The following DPM1 variants were observed in gnomAD, a reference collection of about 807,000 sequenced individuals.
The protein encoded by DPM1 is dolichol-phosphate mannosyltransferase subunit 1.
Under a neutral mutation model 39.0 loss-of-function variants are expected in DPM1, and 27 were observed. The ratio of observed to expected loss-of-function variants is 0.69; its 90% CI spans 0.51 to 0.95. DPM1 has a LOEUF of 0.95. Among genes scored for constraint, DPM1 ranks in the 40% least tolerant of loss-of-function variants. The probability of loss-of-function intolerance (pLI) is 0.00; values close to 1 mark genes in which losing one functional copy is unlikely to be tolerated. For missense variants in DPM1, 307 were observed against 315.6 expected (o/e 0.97, Z 0.21); for synonymous variants, 124 against 109.0 (o/e 1.14, Z -0.86).
In DPM1 at chr20:50,956,807, A is replaced by G. The variant is rs541146184; in HGVS notation, c.162-1522T>C. 8.1e-4 allele frequency among the ~76,000 whole-genome samples: 123 copies of G among 152,342 alleles called. 1 individual carries two copies. The highest frequency in any genetic ancestry group is 2.9e-3 in the African/African-American group (119 of 41,580). On this transcript the variant is annotated intron_variant, in intron 1 of 8. Transcript: ENST00000371588. ...ATTCCATAAACAAAATGGGGTCGTT[A>G]AAAGCAAATTACTGTCCCCTACCAC... is the stretch of plus-strand genomic sequence containing the variant.
At chr20:50,943,630 T>C (rs1187591107) in intron 5 of DPM1, among the ~76,000 whole-genome samples, 3 of 151,782 alleles carry the variant, frequency 2.0e-5, no homozygotes, top group African/African-American at 7.3e-5. Context: ...AAGTGTGGGA[T>C]TACAGGCATG....
At chr20:50,953,767 A>G (rs1986697578) in intron 2 of DPM1, among the ~76,000 whole-genome samples, 1 of 152,212 alleles carries the variant, frequency 6.6e-6, no homozygotes, top group Non-Finnish European at 1.5e-5. Flanking sequence ...AGTATTCAAA[A>G]TGTTGTCTGG....
At chr20:50,951,608 G>C (rs757600581) in intron 2 of DPM1, among the ~76,000 whole-genome samples, 2 of 152,062 alleles carry the variant, frequency 1.3e-5, no homozygotes, top group Non-Finnish European at 2.9e-5. Flanking sequence ...GACCAACACG[G>C]TGAAGCCCAG....
intron 1 of DPM1, among the ~76,000 whole-genome samples, chr20:50,957,278 A>G (rs1986876605): frequency 6.6e-6 from 1 of 152,246 alleles, no homozygotes; most frequent in Non-Finnish European, 1.5e-5. Flanking sequence ...ATAGGGAAAC[A>G]GGCACTCTGA....
chr20:50,941,748 T>C (rs904321559), intron 6 of DPM1, among the ~76,000 whole-genome samples: 4 of 152,126 alleles, frequency 2.6e-5, no homozygotes, highest in Non-Finnish European at 4.4e-5. Flanking sequence ...ACCAAAAGTA[T>C]AGAACAGGTC....
intron 3 of DPM1, 109 bp from the exon 4 acceptor site, chr20:50,946,032 A>G: frequency 1.1e-6 from 1 of 919,156 alleles, no homozygotes; most frequent in South Asian, 1.3e-5. Context: ...TAGTTCTCTA[A>G]AAGTCAGATT....
chr20:50,953,064 G>C (rs755099985), intron 2 of DPM1, among the ~76,000 whole-genome samples: 23 of 152,172 alleles, frequency 1.5e-4, no homozygotes, highest in Non-Finnish European at 3.2e-4. Context: ...CCTCAATAAA[G>C]CTGGAAGAAA....
At chr20:50,944,602 G>A (rs1211285134) in intron 5 of DPM1, 1 of 152,228 alleles carries the variant, frequency 6.6e-6, no homozygotes, top group African/African-American at 2.4e-5. Flanking sequence ...TGAGGGACAA[G>A]GGAAGGAACT....
At chr20:50,954,691 A>G (rs554024980) in intron 2 of DPM1, among the ~76,000 whole-genome samples, 1 of 152,344 alleles carries the variant, frequency 6.6e-6, no homozygotes, top group Non-Finnish European at 1.5e-5. Flanking sequence ...TCACAAGACT[A>G]TTCTATAGAC....
intron 3 of DPM1, 76 bp from the exon 4 acceptor site, chr20:50,945,999 T>G: frequency 7.8e-7 from 1 of 1,284,242 alleles, no homozygotes; most frequent in South Asian, 1.2e-5. Context: ...AAGGAAATTG[T>G]TTAGCACCTG....
rs1411036424 is a variant in DPM1 at position 50,935,217 on chromosome 20, T to C, written c.698A>G (p.Asp233Gly). 6.2e-7 allele frequency: 1 copy of C among 1,604,216 alleles called. No homozygotes were observed. The highest frequency in any genetic ancestry group is 1.4e-5 in the African/African-American group (1 of 72,940). ...TIGEVPISFV[D>G]RVYGESKLGG... Reference sequence around the variant, plus strand: ...CAACTTGGATTCACCATAAACACGATCCACAAATGATATTGGAACCTAGTT... The same window carrying C: ...CAACTTGGATTCACCATAAACACGACCCACAAATGATATTGGAACCTAGTT... Residue 233 changes from aspartate (D) to glycine (G), a missense_variant, in exon 9 of 9, where the codon GAT becomes GGT. Coordinates refer to ENST00000371588, the MANE Select transcript of DPM1 (RefSeq NM_003859.3).
intron 5 of DPM1, among the ~76,000 whole-genome samples, chr20:50,945,442 G>A (rs1235693538): frequency 6.6e-6 from 1 of 152,132 alleles, no homozygotes; most frequent in Non-Finnish European, 1.5e-5. Flanking sequence ...CTGGGCTCAT[G>A]TCATCCTCCC....
chr20:50,947,777 C>T (rs575997273), intron 3 of DPM1, among the ~76,000 whole-genome samples: 195 of 152,182 alleles, frequency 1.3e-3, no homozygotes, highest in African/African-American at 4.4e-3. Flanking sequence ...TATAGATGCG[C>T]GTCACGACGC....
At chr20:50,951,527 G>A (rs543408581) in intron 2 of DPM1, among the ~76,000 whole-genome samples, 1 of 152,310 alleles carries the variant, frequency 6.6e-6, no homozygotes, top group African/African-American at 2.4e-5. Context: ...GGTGGCTCAC[G>A]CCTGTAATCC....
intron 8 of DPM1, 28 bp from the exon 9 acceptor site, chr20:50,935,264 AGTCTTT>A: frequency 7.1e-7 from 1 of 1,411,154 alleles, no homozygotes; most frequent in Non-Finnish European, 1.0e-6. Context: ...AAGTAACGTT[AGTCTTT>A]AAAAACAATT....
intron 1 of DPM1, among the ~76,000 whole-genome samples, chr20:50,955,638 C>A (rs1424578808): frequency 6.6e-6 from 1 of 152,192 alleles, no homozygotes; most frequent in African/African-American, 2.4e-5. Context: ...GGCGCAGTCT[C>A]GGCTTACCTC....
At chr20:50,935,920 C>T (rs192962036) in intron 8 of DPM1, among the ~76,000 whole-genome samples, 444 of 152,242 alleles carry the variant, frequency 2.9e-3, no homozygotes, top group Non-Finnish European at 5.2e-3. Flanking sequence ...TGAGAAAGTA[C>T]CAGGAACTTT....
At chr20:50,952,176 C>T (rs975301579) in intron 2 of DPM1, among the ~76,000 whole-genome samples, 5 of 152,220 alleles carry the variant, frequency 3.3e-5, no homozygotes, top group Non-Finnish European at 7.3e-5. Context: ...AGTGGATTCA[C>T]ATAAAGTGCT....
intron 1 of DPM1, among the ~76,000 whole-genome samples, chr20:50,955,871 T>C (rs994298107): frequency 2.0e-5 from 3 of 152,334 alleles, no homozygotes; most frequent in Non-Finnish European, 4.4e-5. Context: ...CCATATGAAA[T>C]TTTATTACCT....
Sources: gnomAD v4.1 joint callset for allele counts (sites outside exome capture counted in the v4.1 genomes callset) on GRCh38, gnomAD v4.1.1 for gene constraint, MANE v1.5 for transcripts, NCBI Gene and HGNC (gene_info 2026-07-23, HGNC 2026-07-21) for gene names.